Variants in NME7 observed in about 807,000 individuals in gnomAD.
NME7 encodes nucleoside diphosphate kinase 7.
Under a neutral mutation model 49.1 loss-of-function variants are expected in NME7, and 41 were observed. The ratio of observed to expected loss-of-function variants is 0.83; its 90% CI spans 0.65 to 1.08. The LOEUF (loss-of-function observed/expected upper bound fraction) is 1.08. Among genes scored for constraint, NME7 ranks in the 50% least tolerant of loss-of-function variants. The pLI is 0.00. For synonymous variants in NME7, 139 were observed against 150.6 expected (o/e 0.92, Z 0.56); for missense variants, 423 against 463.4 (o/e 0.91, Z 0.80).
rs1447899539 is a variant in NME7 at position 169,263,419 on chromosome 1, T to C, written c.754+23884A>G. On this transcript the variant is annotated intron_variant, in intron 7 of 11. Coordinates refer to ENST00000367811, the MANE Select transcript of NME7 (RefSeq NM_013330.5). ...CTCATATAGAAAATAATACAACCAA[T>C]CTGATAGAGCTGAAAAACACACTAC... Among the ~76,000 whole-genome samples the C allele has an allele frequency of 1.5e-5, 2 of 133,054 alleles. 1 individual carries two copies. The highest frequency in any genetic ancestry group is 5.1e-5 in the African/African-American group (2 of 39,328). The allele number at this position is 133,054 out of a possible 152,430, so 87.3% of individuals were successfully genotyped here.
chr1:169,344,503 G>C (rs1652888912), intron 1 of NME7, among the ~76,000 whole-genome samples: 1 of 152,124 alleles, frequency 6.6e-6, no homozygotes, highest in Admixed American at 6.6e-5. Flanking sequence ...TAAATATGTT[G>C]CTAGCTGCAG....
At chr1:169,227,882 T>TGA (rs1373075943) in intron 10 of NME7, among the ~76,000 whole-genome samples, 1 of 152,124 alleles carries the variant, frequency 6.6e-6, no homozygotes, top group Non-Finnish European at 1.5e-5. Flanking sequence ...TACCCGCAAA[T>TGA]ATCTAACAAT....
intron 5 of NME7, 80 bp from the exon 6 acceptor site, chr1:169,298,843 T>C: frequency 9.1e-7 from 1 of 1,097,144 alleles, no homozygotes; most frequent in Admixed American, 2.3e-5. Flanking sequence ...TATATTTAAA[T>C]TGGATTATTT....
chr1:169,199,736 G>T (rs1421398592), intron 10 of NME7, among the ~76,000 whole-genome samples: 1 of 151,822 alleles, frequency 6.6e-6, no homozygotes, highest in Non-Finnish European at 1.5e-5. Flanking sequence ...ATAACTCTAA[G>T]CCATATAAAG....
chr1:169,134,223 C>T (rs773863369), intron 11 of NME7, among the ~76,000 whole-genome samples: 5 of 152,202 alleles, frequency 3.3e-5, no homozygotes, highest in Non-Finnish European at 5.9e-5. Context: ...ACAGACAAAA[C>T]TCCATCTTTT....
chr1:169,220,331 C>T (rs1184492670), intron 10 of NME7, among the ~76,000 whole-genome samples: 2 of 152,092 alleles, frequency 1.3e-5, no homozygotes. Context: ...AACTTTATTA[C>T]AGTTCAATTT....
intron 11 of NME7, among the ~76,000 whole-genome samples, chr1:169,167,320 G>C (rs1232797881): frequency 6.6e-6 from 1 of 151,942 alleles, no homozygotes; most frequent in Non-Finnish European, 1.5e-5. Flanking sequence ...TTTGGGGAAG[G>C]CTTTTCTATG....
At chr1:169,310,222 A>G in intron 3 of NME7, 142 bp from the exon 4 acceptor site, 1 of 548,050 alleles carries the variant, frequency 1.8e-6, no homozygotes, top group Non-Finnish European at 3.1e-6. Context: ...TATTAAAGAC[A>G]TCCCTTAAAA....
intron 3 of NME7, among the ~76,000 whole-genome samples, chr1:169,314,203 C>T (rs958906866): frequency 1.3e-4 from 19 of 151,616 alleles, no homozygotes; most frequent in South Asian, 4.2e-4. Context: ...AGTGAAGAAA[C>T]CTAAATGAAT....
At chr1:169,312,042 G>A (rs1651414062) in intron 3 of NME7, among the ~76,000 whole-genome samples, 1 of 152,222 alleles carries the variant, frequency 6.6e-6, no homozygotes, top group South Asian at 2.1e-4. Flanking sequence ...TATATCAGTA[G>A]TATCTCTGTT....
chr1:169,300,453 G>A (rs12121185), intron 5 of NME7, among the ~76,000 whole-genome samples: 47,347 of 151,932 alleles, frequency 0.31, 8,315 homozygotes, highest in East Asian at 0.67. Context: ...TTTGGCTGAT[G>A]TAACATTCTT....
chr1:169,250,969 C>A (rs989360861), intron 7 of NME7, among the ~76,000 whole-genome samples: 1 of 151,962 alleles, frequency 6.6e-6, no homozygotes, highest in Non-Finnish European at 1.5e-5. Flanking sequence ...GTAGAATGTT[C>A]GGCAAATATT....
At chr1:169,179,051 C>T (rs1428600087) in intron 10 of NME7, among the ~76,000 whole-genome samples, 1 of 152,042 alleles carries the variant, frequency 6.6e-6, no homozygotes, top group African/African-American at 2.4e-5. Flanking sequence ...AAACTCCTGA[C>T]TTCAGATAAT....
chr1:169,251,291 T>C (rs1178544865), intron 7 of NME7, among the ~76,000 whole-genome samples: 2 of 152,120 alleles, frequency 1.3e-5, no homozygotes, highest in African/African-American at 4.8e-5. Context: ...TAAGACTACC[T>C]ACTCCTGCTC....
At chr1:169,205,413 A>G (rs1396488118) in intron 10 of NME7, among the ~76,000 whole-genome samples, 1 of 152,144 alleles carries the variant, frequency 6.6e-6, no homozygotes, top group Non-Finnish European at 1.5e-5. Context: ...CATCTTGCCC[A>G]TTATGTGTCA....
intron 7 of NME7, among the ~76,000 whole-genome samples, chr1:169,252,450 T>G (rs1471456094): frequency 1.3e-5 from 2 of 152,082 alleles, no homozygotes; most frequent in African/African-American, 2.4e-5. Flanking sequence ...CATTGTAGAT[T>G]CTGGATATTA....
Position 169,367,774 on chromosome 1 carries a change from C to CCAT in NME7, c.-67_-65dup, listed in dbSNP as rs750332506. On this transcript the variant is annotated 5_prime_UTR_variant, in exon 1 of 12. In the 5' UTR this introduces an upstream ATG that the reference lacks. Coordinates refer to ENST00000367811, the MANE Select transcript of NME7 (RefSeq NM_013330.5). ...AGACAGGAAGACACCACCACCACCA[C>CCAT]CATCATACGGTTACTCAGGCAACAA... 1.6e-5 allele frequency: 25 copies of CCAT among 1,595,078 alleles called. No homozygotes were observed. Among genetic ancestry groups the CCAT allele is most frequent in the Admixed American group, 1.3e-4 (8 of 59,978 alleles).
chr1:169,155,784 G>A (rs185300383), intron 11 of NME7, among the ~76,000 whole-genome samples: 1 of 137,108 alleles, frequency 7.3e-6, no homozygotes, highest in African/African-American at 2.8e-5. Flanking sequence ...TTTTTGAAAT[G>A]TTCCAGGTCT....
intron 1 of NME7, among the ~76,000 whole-genome samples, chr1:169,345,168 G>A (rs1219529895): frequency 6.6e-6 from 1 of 152,052 alleles, no homozygotes; most frequent in African/African-American, 2.4e-5. Context: ...GCAGGGATAG[G>A]AGCGATGTCT....
Sources: gnomAD v4.1 joint callset for allele counts (sites outside exome capture counted in the v4.1 genomes callset) on GRCh38, gnomAD v4.1.1 for gene constraint, MANE v1.5 for transcripts, NCBI Gene and HGNC (gene_info 2026-07-23, HGNC 2026-07-21) for gene names.